The following FKBP5 variants were observed in gnomAD, a reference collection of about 807,000 sequenced individuals.
FKBP5 encodes FKBP prolyl isomerase 5.
A neutral mutation model predicts 50.5 loss-of-function variants in FKBP5; 23 were observed. The ratio of observed to expected loss-of-function variants is 0.46; its 90% CI spans 0.33 to 0.65. The LOEUF is 0.65. Among genes scored for constraint, FKBP5 ranks in the 30% least tolerant of loss-of-function variants. The pLI, the probability that FKBP5 is intolerant of heterozygous loss-of-function variation, is 0.02. For missense variants in FKBP5, 411 were observed against 553.1 expected, an observed-to-expected ratio of 0.74 and a Z score of 2.58; for synonymous variants, 176 against 190.6, an observed-to-expected ratio of 0.92 and a Z score of 0.63.
At chr6:35,649,070 T>A (rs1210968045) in intron 1 of FKBP5, among the ~76,000 whole-genome samples, 1 of 151,930 alleles carries the variant, frequency 6.6e-6, no homozygotes, top group African/African-American at 2.4e-5. Flanking sequence ...GCTAATATGG[T>A]GAAACCCTGT....
chr6:35,601,450 A>G (rs1281576258), intron 5 of FKBP5, among the ~76,000 whole-genome samples: 3 of 152,162 alleles, frequency 2.0e-5, no homozygotes. Context: ...GAACTCACAC[A>G]CCACTTGGAG....
At chr6:35,614,523 G>A (rs1007108392) in intron 5 of FKBP5, among the ~76,000 whole-genome samples, 9 of 151,958 alleles carry the variant, frequency 5.9e-5, no homozygotes, top group African/African-American at 9.7e-5. Flanking sequence ...CATTGAAGGG[G>A]GTGAGGAAGA....
At chr6:35,695,045 A>G (rs1766060416) in intron 2 of FKBP5, among the ~76,000 whole-genome samples, 1 of 152,234 alleles carries the variant, frequency 6.6e-6, no homozygotes, top group Non-Finnish European at 1.5e-5. Flanking sequence ...CAACCTGATA[A>G]AGGGCATCTA....
At position 35,580,210 on chromosome 6, in the gene FKBP5, G is replaced by A. The variant is rs917046086; in HGVS notation, c.852C>T (p.Tyr284=). 1 of 1,611,516 alleles carries A rather than the reference G, an allele frequency of 6.2e-7. No individual in the cohort carries two copies. Among genetic ancestry groups the A allele is most frequent in the Non-Finnish European group, 8.5e-7 (1 of 1,178,380 alleles). ...TCCCATACTGAATCACCGCCTGCAT[G>A]TATTTGCCTCCCTAGGATAAAAAAG... ...KGTVYFKGGK[Y]MQAVIQYGKI... Residue 284 remains tyrosine, a synonymous_variant, in exon 9 of 11, where the codon TAC becomes TAT. Coordinates refer to ENST00000357266, the MANE Select transcript of FKBP5 (RefSeq NM_004117.4).
chr6:35,724,240 C>G (rs374196815), intron 1 of FKBP5, among the ~76,000 whole-genome samples: 2 of 152,222 alleles, frequency 1.3e-5, no homozygotes, highest in East Asian at 1.9e-4. Context: ...GATCCCAGAG[C>G]CAAATCAATA....
intron 3 of FKBP5, among the ~76,000 whole-genome samples, chr6:35,624,625 CACTCT>C (rs1163557792): frequency 2.0e-5 from 3 of 152,168 alleles, no homozygotes; most frequent in African/African-American, 7.2e-5. Context: ...GCTTTGGTCT[CACTCT>C]ACTCTAGTTG....
chr6:35,691,918 G>T (rs1581889713), upstream of FKBP5, among the ~76,000 whole-genome samples: 2 of 152,184 alleles, frequency 1.3e-5, no homozygotes, highest in East Asian at 3.9e-4. Context: ...CCTGTGCTGG[G>T]TCTAATGCTC....
chr6:35,686,487 A>G (rs1163145838), intron 1 of FKBP5, among the ~76,000 whole-genome samples: 1 of 152,150 alleles, frequency 6.6e-6, no homozygotes, highest in African/African-American at 2.4e-5. Context: ...TATTTTATAT[A>G]TTTAAGTACA....
At chr6:35,632,647 TG>T (rs1764194586) in intron 3 of FKBP5, among the ~76,000 whole-genome samples, 1 of 151,994 alleles carries the variant, frequency 6.6e-6, no homozygotes. Context: ...CCCAGCACGT[TG>T]GGAGGCCAAA....
intron 1 of FKBP5, among the ~76,000 whole-genome samples, chr6:35,683,772 C>T (rs910778364): frequency 2.7e-5 from 4 of 150,800 alleles, no homozygotes; most frequent in African/African-American, 9.8e-5. Flanking sequence ...CATTCCTAGG[C>T]TGGGCATGGT....
chr6:35,577,851 C>T (rs978900615), intron 9 of FKBP5, among the ~76,000 whole-genome samples: 3 of 152,042 alleles, frequency 2.0e-5, no homozygotes, highest in East Asian at 1.9e-4. Flanking sequence ...GTGAGGAGTT[C>T]GAGACCAGCC....
At chr6:35,633,188 T>C (rs1392693136) in intron 3 of FKBP5, among the ~76,000 whole-genome samples, 1 of 152,088 alleles carries the variant, frequency 6.6e-6, no homozygotes, top group Non-Finnish European at 1.5e-5. Context: ...ATATTTATAC[T>C]ACTGTCCATT....
At chr6:35,687,062 G>A (rs1270427855) in intron 1 of FKBP5, among the ~76,000 whole-genome samples, 1 of 152,002 alleles carries the variant, frequency 6.6e-6, no homozygotes, top group Non-Finnish European at 1.5e-5. Context: ...TAATTACCTA[G>A]GCAAATAAGT....
intron 1 of FKBP5, among the ~76,000 whole-genome samples, chr6:35,672,923 C>T (rs1765429280): frequency 1.3e-5 from 2 of 150,316 alleles, no homozygotes; most frequent in Admixed American, 1.3e-4. Context: ...GAGAGAGACT[C>T]CGTCTCAAAA....
rs1762126958 is a variant in FKBP5, at chr6:35,573,715, G to A, written c.*2120C>T. The A allele has an allele frequency of 6.6e-6, 1 of 152,000 alleles. No individual in the cohort carries two copies. Among genetic ancestry groups the A allele is most frequent in the Non-Finnish European group, 1.5e-5 (1 of 68,002 alleles). 9.4% of individuals were successfully genotyped at this position (152,000 alleles called of 1,614,324 possible). A position where few individuals can be genotyped will look rare whatever the true frequency, so the allele number is the denominator to read the frequency against. On this transcript the variant is annotated 3_prime_UTR_variant, in exon 11 of 11. Transcript: ENST00000357266. Reference sequence around the variant, plus strand: ...TGGCAATCCATATGCAGCCTAAAAGGTGGTTGAAAGATGTCTGTGGACTTC... The same window carrying A: ...TGGCAATCCATATGCAGCCTAAAAGATGGTTGAAAGATGTCTGTGGACTTC...
At chr6:35,722,961 C>T (rs911234834) in intron 1 of FKBP5, among the ~76,000 whole-genome samples, 20 of 152,200 alleles carry the variant, frequency 1.3e-4, no homozygotes, top group African/African-American at 4.6e-4. Flanking sequence ...TGGCCGGGCG[C>T]GATGGCTCAC....
At chr6:35,624,711 G>A (rs1342804254) in intron 3 of FKBP5, among the ~76,000 whole-genome samples, 1 of 151,998 alleles carries the variant, frequency 6.6e-6, no homozygotes. Flanking sequence ...GCATCCAATC[G>A]AGAAAGCTCT....
chr6:35,657,622 A>T (rs1056465242), intron 1 of FKBP5, among the ~76,000 whole-genome samples: 2 of 152,190 alleles, frequency 1.3e-5, no homozygotes, highest in South Asian at 4.1e-4. Context: ...TCACATCTGC[A>T]AAGTCCTTTC....
intron 3 of FKBP5, among the ~76,000 whole-genome samples, chr6:35,621,680 T>C (rs554949711): frequency 1.3e-5 from 2 of 149,774 alleles, no homozygotes; most frequent in Admixed American, 1.3e-4. Context: ...AAATATTAAG[T>C]ATCTGGGGGC....
Sources: allele counts gnomAD v4.1 joint callset (sites outside exome capture counted in the v4.1 genomes callset), GRCh38; gene constraint gnomAD v4.1.1; transcripts MANE v1.5; gene names NCBI Gene and HGNC (gene_info 2026-07-23, HGNC 2026-07-21).